EPHA5: variants seen among roughly 807,000 people sequenced by gnomAD.
EPHA5 encodes ephrin type-A receptor 5.
In EPHA5, 60 loss-of-function variants were observed where a neutral mutation model predicts 105.0. The observed-to-expected ratio is 0.57, with a 90% confidence interval of 0.46 to 0.71. The LOEUF is 0.71. EPHA5 is among the 30% of genes least tolerant of loss of function. The pLI is 0.00. For missense variants in EPHA5, 1,218 were observed against 1,274.7 expected (o/e 0.96, Z 0.68); for synonymous variants, 513 against 449.1 (o/e 1.14, Z -1.80).
At chr4:65,333,448 A>G (rs1180363666) in intron 15 of EPHA5, among the ~76,000 whole-genome samples, 6 of 151,346 alleles carry the variant, frequency 4.0e-5, no homozygotes, top group Non-Finnish European at 7.4e-5. Context: ...AGCCAACACC[A>G]CTACCACCTC....
chr4:65,382,799 G>C (rs1343408422), intron 8 of EPHA5, among the ~76,000 whole-genome samples: 2 of 151,628 alleles, frequency 1.3e-5, no homozygotes, highest in Non-Finnish European at 3.0e-5. Flanking sequence ...ATTTTCTCCA[G>C]GTTGAGAAAC....
chr4:65,468,154 T>TA (rs1266632769), intron 5 of EPHA5, among the ~76,000 whole-genome samples: 3 of 152,078 alleles, frequency 2.0e-5, no homozygotes, highest in Non-Finnish European at 4.4e-5. Context: ...TAAATGTAGT[T>TA]ACCTATCCAA....
intron 8 of EPHA5, among the ~76,000 whole-genome samples, chr4:65,375,902 C>T (rs2148916808): frequency 6.6e-6 from 1 of 151,802 alleles, no homozygotes; most frequent in Non-Finnish European, 1.5e-5. Context: ...TAAGAATTTC[C>T]CATGTAAGTT....
intron 8 of EPHA5, among the ~76,000 whole-genome samples, chr4:65,380,191 A>T (rs1450541190): frequency 6.6e-6 from 1 of 151,800 alleles, no homozygotes; most frequent in Non-Finnish European, 1.5e-5. Flanking sequence ...AGAACACTGT[A>T]CATAACTGCA....
intron 1 of EPHA5, among the ~76,000 whole-genome samples, chr4:65,650,549 G>A (rs1748515900): frequency 1.6e-5 from 1 of 63,208 alleles, no homozygotes; most frequent in African/African-American, 7.3e-5. Flanking sequence ...AACAGAGTGA[G>A]ACTCAGTCTC....
At position 65,351,549 on chromosome 4, in the gene EPHA5, C is replaced by A. The variant is rs199801676; in HGVS notation, c.2285G>T (p.Gly762Val). 7.4e-6 allele frequency: 12 copies of A among 1,613,678 alleles called. No homozygotes were observed. The highest frequency in any genetic ancestry group is 3.3e-5 in the Admixed American group (2 of 59,940). ...AAGGTACTTCATTCCTGCAGAGATA[C>A]CTCTCAGCATGCCAACAAGCTGAAT... is the stretch of plus-strand genomic sequence containing the variant. ...TVIQLVGMLR[G>V]ISAGMKYLSD... is the part of the protein sequence containing the mutation. Residue 762 changes from glycine to valine, a missense_variant, in exon 13 of 17, where the codon GGT becomes GTT. By Grantham distance (109) the Gly-to-Val change is moderately radical. This residue lies in a region of EPHA5 where 971 missense variants were observed against 1,013.5 expected (regional missense o/e 0.96). Coordinates refer to ENST00000613740, the MANE Select transcript of EPHA5 (RefSeq NM_001281766.3).
rs576598924 is a variant in EPHA5 at position 65,663,296 on chromosome 4, T to A, written c.181+6266A>T. 3.4e-4 allele frequency among the ~76,000 whole-genome samples: 51 copies of A among 152,224 alleles called. 2 individuals are homozygous for A. Among genetic ancestry groups the A allele is most frequent in the African/African-American group, 1.2e-3 (49 of 41,560 alleles). ...AAATCACTATAAATTTAAAATCATT[T>A]CACAAAGTTAGACTAACATTAAAAT... On this transcript the variant is annotated intron_variant, in intron 1 of 16. Coordinates refer to ENST00000613740, the MANE Select transcript of EPHA5 (RefSeq NM_001281766.3).
chr4:65,496,401 C>A (rs1480125236), intron 3 of EPHA5, among the ~76,000 whole-genome samples: 13 of 138,478 alleles, frequency 9.4e-5, no homozygotes, highest in Admixed American at 1.5e-4. Flanking sequence ...CACCACAGGC[C>A]CCAGAGTGTG....
intron 8 of EPHA5, among the ~76,000 whole-genome samples, chr4:65,402,880 G>T (rs1721984801): frequency 6.6e-6 from 1 of 152,064 alleles, no homozygotes; most frequent in Admixed American, 6.6e-5. Flanking sequence ...GATGAAATCA[G>T]CTTATCTTCC....
chr4:65,668,044 G>C (rs1750103586), intron 1 of EPHA5, among the ~76,000 whole-genome samples: 1 of 152,106 alleles, frequency 6.6e-6, no homozygotes, highest in Admixed American at 6.5e-5. Context: ...ATACCCAATT[G>C]TTTGGCTTAA....
chr4:65,541,005 A>G, intron 3 of EPHA5, among the ~76,000 whole-genome samples: 1 of 151,296 alleles, frequency 6.6e-6, no homozygotes, highest in Admixed American at 6.6e-5. Context: ...TGAAAATACA[A>G]CCATAATATC....
At chr4:65,598,929 A>T (rs2149431650) in intron 3 of EPHA5, among the ~76,000 whole-genome samples, 1 of 152,240 alleles carries the variant, frequency 6.6e-6, no homozygotes, top group Non-Finnish European at 1.5e-5. Context: ...TTTGTCTTAA[A>T]GGAAACCACT....
chr4:65,332,730 A>G (rs1420586871), intron 15 of EPHA5, among the ~76,000 whole-genome samples: 1 of 151,830 alleles, frequency 6.6e-6, no homozygotes, highest in Admixed American at 6.6e-5. Context: ...TCAGTCTACT[A>G]AAATTTGTCA....
At chr4:65,583,728 C>T (rs959426074) in intron 3 of EPHA5, among the ~76,000 whole-genome samples, 5 of 151,418 alleles carry the variant, frequency 3.3e-5, no homozygotes, top group East Asian at 1.9e-4. Context: ...CTTCAGAATA[C>T]GTAAAATTTG....
rs1719668741 is a variant in EPHA5, at chr4:65,321,932, G to C, written c.*2182C>G. The C allele has an allele frequency of 4.4e-6, 1 of 225,310 alleles. No homozygotes were observed. Among genetic ancestry groups the C allele is most frequent in the Non-Finnish European group, 8.8e-6 (1 of 113,086 alleles). 14.0% of individuals were successfully genotyped at this position (225,310 alleles called of 1,614,324 possible). ...CAGTTGTTACTTTATCACTTAGATT[G>C]GAATATTTCTATAAAATTCAATAAA... On this transcript the variant is annotated 3_prime_UTR_variant, in exon 17 of 17. Transcript: ENST00000613740.
At chr4:65,574,746 A>G (rs1443460900) in intron 3 of EPHA5, among the ~76,000 whole-genome samples, 2 of 131,190 alleles carry the variant, frequency 1.5e-5, no homozygotes, top group Admixed American at 8.3e-5. Flanking sequence ...ATATATACAT[A>G]TATATATATA....
chr4:65,418,190 A>G (rs1406396322), intron 6 of EPHA5, among the ~76,000 whole-genome samples: 2 of 152,210 alleles, frequency 1.3e-5, no homozygotes, highest in African/African-American at 4.8e-5. Context: ...AACAATGTTC[A>G]CAACAGAATT....
chr4:65,589,717 A>G (rs181742968), intron 3 of EPHA5, among the ~76,000 whole-genome samples: 93 of 152,322 alleles, frequency 6.1e-4, no homozygotes, highest in African/African-American at 2.2e-3. Context: ...CTGGTTCTAA[A>G]AAAAGAAGCT....
chr4:65,660,855 C>A (rs2149549215), intron 1 of EPHA5, among the ~76,000 whole-genome samples: 1 of 152,056 alleles, frequency 6.6e-6, no homozygotes, highest in Non-Finnish European at 1.5e-5. Context: ...TTCTGTTAAA[C>A]TTGCAAAGTA....
Sources: gnomAD v4.1 joint callset for allele counts (sites outside exome capture counted in the v4.1 genomes callset) on GRCh38, gnomAD v4.1.1 for gene constraint, gnomAD v4.1.1 regional missense constraint, MANE v1.5 for transcripts, NCBI Gene and HGNC (gene_info 2026-07-23, HGNC 2026-07-21) for gene names.